RNF216: variants seen among roughly 807,000 people sequenced by gnomAD.
The protein encoded by RNF216 is ring finger protein 216.
RNF216 carries 72 observed loss-of-function variants against 110.8 expected under a neutral mutation model. The ratio of observed to expected loss-of-function variants is 0.65; its 90% CI spans 0.54 to 0.79. RNF216 has a LOEUF of 0.79. Ranked by LOEUF, RNF216 falls within the 30% of genes least tolerant of loss-of-function variation. The pLI is 0.00. For synonymous variants in RNF216, 495 were observed against 407.5 expected, an observed-to-expected ratio of 1.21 and a Z score of -2.59; for missense variants, 1,342 against 1,141.2, an observed-to-expected ratio of 1.18 and a Z score of -2.54.
chr7:5,677,312 G>A (rs1227344951), intron 13 of RNF216, among the ~76,000 whole-genome samples: 2 of 152,092 alleles, frequency 1.3e-5, no homozygotes, highest in Non-Finnish European at 2.9e-5. Context: ...GGGTGGTCTG[G>A]GCAATGCCAT....
At chr7:5,659,731 G>C (rs1255540119) in intron 13 of RNF216, among the ~76,000 whole-genome samples, 3 of 152,138 alleles carry the variant, frequency 2.0e-5, no homozygotes, top group African/African-American at 7.2e-5. Flanking sequence ...TTCTTGCTTA[G>C]ATTTCCTCAA....
intron 1 of RNF216, among the ~76,000 whole-genome samples, chr7:5,769,295 T>C (rs890912918): frequency 2.0e-5 from 3 of 152,046 alleles, no homozygotes; most frequent in Admixed American, 6.5e-5. Flanking sequence ...TTTTTGTATT[T>C]TTAGTAGAGA....
At chr7:5,707,942 G>A (rs112627115) in intron 13 of RNF216, among the ~76,000 whole-genome samples, 4 of 152,104 alleles carry the variant, frequency 2.6e-5, no homozygotes, top group African/African-American at 9.7e-5. Flanking sequence ...GGCCAGGCTG[G>A]TCTCGAACTC....
Position 5,739,260 on chromosome 7 carries a change from A to G in RNF216, c.1121+16T>C. On this transcript the variant is annotated intron_variant, in intron 5 of 16. Transcript: ENST00000389902. ...CCACCACCACCACCACAAAAAAAGC[A>G]TGGTAGTATACTTACACATTCAGAT... is the stretch of plus-strand genomic sequence containing the variant. 6 of 1,533,276 alleles carry G rather than the reference A, an allele frequency of 3.9e-6. 1 individual carries two copies. The South Asian group carries it at 7.8e-5, about 20-fold the overall frequency. 95.0% of individuals were successfully genotyped at this position (1,533,276 alleles called of 1,614,324 possible).
intron 14 of RNF216, among the ~76,000 whole-genome samples, chr7:5,644,766 A>G (rs1425080660): frequency 6.6e-6 from 1 of 151,870 alleles, no homozygotes; most frequent in African/African-American, 2.4e-5. Context: ...TTGGCCTCTC[A>G]AAGTGTTGGG....
At chr7:5,761,740 C>T (rs1311597091) in intron 1 of RNF216, among the ~76,000 whole-genome samples, 1 of 150,636 alleles carries the variant, frequency 6.6e-6, no homozygotes, top group Non-Finnish European at 1.5e-5. Flanking sequence ...GAGCCAAGAT[C>T]GTGGCACTGC....
chr7:5,737,617 T>C (rs548969912), intron 5 of RNF216, among the ~76,000 whole-genome samples: 4 of 152,174 alleles, frequency 2.6e-5, no homozygotes, highest in African/African-American at 4.8e-5. Flanking sequence ...AGGCCACTAA[T>C]GGCTCCAACA....
At chr7:5,720,507 G>A (rs1384227344) in intron 9 of RNF216, among the ~76,000 whole-genome samples, 1 of 152,030 alleles carries the variant, frequency 6.6e-6, no homozygotes, top group Non-Finnish European at 1.5e-5. Flanking sequence ...GAAGTTTTGG[G>A]GCAGTCAAAC....
In RNF216 at chr7:5,737,163, T is replaced by C. The variant is rs553146464; in HGVS notation, c.1121+2113A>G. 1.1e-4 allele frequency among the ~76,000 whole-genome samples: 16 copies of C among 152,336 alleles called. No individual in the cohort carries two copies. The South Asian group carries it at 3.3e-3, about 32-fold the overall frequency. ...AAGAAGTAGACATAGGAGACTCCAT[T>C]TTGTTCTGTACTAAGAAAAATTCTT... On this transcript the variant is annotated intron_variant, in intron 5 of 16. Coordinates refer to ENST00000389902, the MANE Select transcript of RNF216 (RefSeq NM_207111.4).
chr7:5,664,309 C>T (rs1335114759), intron 13 of RNF216, among the ~76,000 whole-genome samples: 2 of 152,144 alleles, frequency 1.3e-5, no homozygotes, highest in African/African-American at 4.8e-5. Context: ...TAATTCATTA[C>T]AGCTTCAGCC....
chr7:5,673,823 G>T (rs1490471681), intron 13 of RNF216, among the ~76,000 whole-genome samples: 2 of 150,714 alleles, frequency 1.3e-5, no homozygotes, highest in Non-Finnish European at 3.0e-5. Context: ...ACCAGCCTAG[G>T]AAAGATAGAG....
chr7:5,683,101 T>C (rs1013769182), intron 13 of RNF216, among the ~76,000 whole-genome samples: 2 of 152,056 alleles, frequency 1.3e-5, no homozygotes, highest in African/African-American at 4.8e-5. Context: ...ACACTGTATG[T>C]ATGCAATGAT....
intron 13 of RNF216, among the ~76,000 whole-genome samples, chr7:5,669,201 A>G (rs925904945): frequency 1.3e-5 from 2 of 152,192 alleles, no homozygotes; most frequent in African/African-American, 4.8e-5. Flanking sequence ...TATACCTACT[A>G]AGCAGAGTTG....
rs376759297 is a variant in RNF216 at position 5,761,049 on chromosome 7, A to G, written c.21T>C (p.Asn7=). 8.2e-6 allele frequency: 13 copies of G among 1,583,962 alleles called. No homozygotes were observed. In the African/African-American group the frequency reaches 9.6e-5, roughly 12 times the overall value. ...AGTTGTTCAAGTGAATTACCTCTTC[A>G]TTGTTGTTTCCCTCTTCCATTTTCA... MEEGNN[N]EEVIHLNNFH... The change falls in exon 2 of 17, where the codon AAT becomes AAC. Residue 7 remains asparagine (N), a synonymous_variant. Coordinates refer to ENST00000389902, the MANE Select transcript of RNF216 (RefSeq NM_207111.4).
chr7:5,773,349 T>C (rs1052939936), intron 1 of RNF216, among the ~76,000 whole-genome samples: 1 of 151,510 alleles, frequency 6.6e-6, no homozygotes, highest in African/African-American at 2.4e-5. Context: ...TTCAAGCGAT[T>C]CTTCTGCCTC....
chr7:5,775,375 C>T (rs991080947), intron 1 of RNF216, among the ~76,000 whole-genome samples: 3 of 152,058 alleles, frequency 2.0e-5, no homozygotes, highest in African/African-American at 7.2e-5. Context: ...ATTTTTTTCT[C>T]CTTGTTCTAT....
rs1224236665 is a variant in RNF216 at position 5,748,605 on chromosome 7, TATACATACACACACACACAC to T, written c.201+4221_201+4240del. 6.5e-3 allele frequency among the ~76,000 whole-genome samples: 759 copies of T among 116,034 alleles called. 3 individuals carry two copies. Among genetic ancestry groups the T allele is most frequent in the African/African-American group, 0.022 (678 of 30,326 alleles). 76.1% of individuals were successfully genotyped at this position (116,034 alleles called of 152,430 possible). On this transcript the variant is annotated intron_variant, in intron 3 of 16. Coordinates refer to ENST00000389902, the MANE Select transcript of RNF216 (RefSeq NM_207111.4). ...TTATAAGAATGCAGTATATTTTTTA[TATACATACACACACACACAC>T]ACACACACACACACACACACACACA...
intron 13 of RNF216, among the ~76,000 whole-genome samples, chr7:5,665,566 G>A (rs1048595077): frequency 6.6e-6 from 1 of 152,040 alleles, no homozygotes; most frequent in East Asian, 1.9e-4. Context: ...CTGCCCCCTA[G>A]GGATGGAAAG....
chr7:5,723,578 C>T (rs1408609376), intron 8 of RNF216, among the ~76,000 whole-genome samples: 2 of 151,450 alleles, frequency 1.3e-5, no homozygotes, highest in East Asian at 1.9e-4. Context: ...ACCCAGGAGG[C>T]GGAGTTTGCA....
Sources: gnomAD v4.1 joint callset for allele counts (sites outside exome capture counted in the v4.1 genomes callset) on GRCh38, gnomAD v4.1.1 for gene constraint, MANE v1.5 for transcripts, NCBI Gene and HGNC (gene_info 2026-07-23, HGNC 2026-07-21) for gene names.